Variants in FBXL17 observed in about 807,000 individuals in gnomAD.
FBXL17 encodes the protein F-box/LRR-repeat protein 17.
Under a neutral mutation model 66.2 loss-of-function variants are expected in FBXL17, and 22 were observed. That is an observed-to-expected ratio of 0.33 (90% confidence interval 0.24 to 0.47). FBXL17 has a LOEUF of 0.47. FBXL17 is among the 20% of genes least tolerant of loss of function. FBXL17 has a pLI of 1.00. For synonymous variants in FBXL17, 474 were observed against 400.5 expected (o/e 1.18, Z -2.19); for missense variants, 878 against 948.2 (o/e 0.93, Z 0.97).
intron 7 of FBXL17, among the ~76,000 whole-genome samples, chr5:108,019,726 C>A (rs767052348): frequency 2.6e-5 from 4 of 151,796 alleles, no homozygotes; most frequent in Non-Finnish European, 5.9e-5. Flanking sequence ...AGGGTCTAGA[C>A]AATGCAAGAC....
At chr5:108,120,999 G>A (rs937999500) in intron 6 of FBXL17, among the ~76,000 whole-genome samples, 6 of 152,084 alleles carry the variant, frequency 3.9e-5, no homozygotes, top group African/African-American at 1.4e-4. Flanking sequence ...GTCCTTCACC[G>A]TTAAATAATT....
At chr5:107,955,156 T>A (rs1050384327) in intron 7 of FBXL17, among the ~76,000 whole-genome samples, 5 of 152,068 alleles carry the variant, frequency 3.3e-5, no homozygotes, top group Non-Finnish European at 5.9e-5. Context: ...CTTGATTTTT[T>A]AAAAAATTAC....
chr5:108,257,886 C>T (rs1390111015), intron 4 of FBXL17, among the ~76,000 whole-genome samples: 1 of 152,084 alleles, frequency 6.6e-6, no homozygotes. Context: ...GTTGTGTATG[C>T]TTTGTTAAAG....
chr5:108,307,754 TTAC>T (rs1434270644), intron 4 of FBXL17, among the ~76,000 whole-genome samples: 2 of 152,094 alleles, frequency 1.3e-5, no homozygotes, highest in South Asian at 4.1e-4. Context: ...GTACAACAAA[TTAC>T]CCTTCATCTT....
At chr5:108,152,127 C>G (rs1450586452) in intron 6 of FBXL17, among the ~76,000 whole-genome samples, 1 of 152,162 alleles carries the variant, frequency 6.6e-6, no homozygotes, top group South Asian at 2.1e-4. Context: ...TCCATGCACT[C>G]TCTCAAAAGA....
intron 4 of FBXL17, among the ~76,000 whole-genome samples, chr5:108,227,038 C>T (rs1407800127): frequency 1.3e-5 from 2 of 152,158 alleles, no homozygotes; most frequent in Admixed American, 1.3e-4. Context: ...CAATTCCTTA[C>T]AACAATCTCT....
At chr5:108,043,499 GA>G (rs1278973728) in intron 6 of FBXL17, among the ~76,000 whole-genome samples, 1 of 151,966 alleles carries the variant, frequency 6.6e-6, no homozygotes, top group Non-Finnish European at 1.5e-5. Flanking sequence ...TTTCTTCATT[GA>G]ATTGCATTTG....
intron 6 of FBXL17, among the ~76,000 whole-genome samples, chr5:108,039,317 T>C (rs1030336450): frequency 2.6e-5 from 4 of 152,094 alleles, no homozygotes; most frequent in Admixed American, 2.0e-4. Context: ...ATAAAGACTA[T>C]GTGATATAAC....
intron 7 of FBXL17, among the ~76,000 whole-genome samples, chr5:107,910,249 G>A (rs1580704558): frequency 6.6e-6 from 1 of 152,088 alleles, no homozygotes; most frequent in Admixed American, 6.6e-5. Context: ...TGAAAACTAA[G>A]TATGACGCAA....
At chr5:107,983,604 A>G (rs1172221094) in intron 7 of FBXL17, among the ~76,000 whole-genome samples, 1 of 151,740 alleles carries the variant, frequency 6.6e-6, no homozygotes, top group Non-Finnish European at 1.5e-5. Context: ...TCCACAAAAC[A>G]GAGAGAAATT....
At chr5:108,224,825 A>G (rs576741812) in intron 4 of FBXL17, among the ~76,000 whole-genome samples, 5 of 151,970 alleles carry the variant, frequency 3.3e-5, no homozygotes, top group Admixed American at 1.3e-4. Context: ...ACGGGGTTTC[A>G]CCATGTTGGC....
chr5:108,299,340 A>G (rs1758483366), intron 4 of FBXL17: 1 of 984,916 alleles, frequency 1.0e-6, no homozygotes, highest in Non-Finnish European at 1.2e-6. Flanking sequence ...ATACCATTAA[A>G]GTATATTTTG....
rs114851238 is a variant in FBXL17, at chr5:108,047,640, C to G, written c.1746-26639G>C. Among the ~76,000 whole-genome samples the G allele has an allele frequency of 7.2e-3, 1,100 of 152,290 alleles. 8 individuals carry two copies. The highest frequency in any genetic ancestry group is 0.023 in the African/African-American group (941 of 41,558). Reference sequence around the variant, plus strand: ...AGGCTGGATAACTTGGTTGCAAGAGCTGTCCCCCATAGCTCAACACACCGG... The same window carrying G: ...AGGCTGGATAACTTGGTTGCAAGAGGTGTCCCCCATAGCTCAACACACCGG... On this transcript the variant is annotated intron_variant, in intron 6 of 8. Coordinates refer to ENST00000542267, the MANE Select transcript of FBXL17 (RefSeq NM_001163315.3).
chr5:107,890,572 G>C (rs1377738000), intron 7 of FBXL17, among the ~76,000 whole-genome samples: 1 of 151,888 alleles, frequency 6.6e-6, no homozygotes, highest in Non-Finnish European at 1.5e-5. Flanking sequence ...GCTGAGGCGG[G>C]AGGACTGCTT....
intron 7 of FBXL17, among the ~76,000 whole-genome samples, chr5:107,989,304 A>G (rs1753139670): frequency 6.6e-6 from 1 of 151,906 alleles, no homozygotes; most frequent in South Asian, 2.1e-4. Context: ...CCCCCTTCCC[A>G]GTCTCTGGTG....
At chr5:108,226,495 T>C (rs1196439723) in intron 4 of FBXL17, among the ~76,000 whole-genome samples, 1 of 152,214 alleles carries the variant, frequency 6.6e-6, no homozygotes, top group Non-Finnish European at 1.5e-5. Flanking sequence ...TCTTAAGAAG[T>C]CTTTTTTTAA....
intron 1 of FBXL17, among the ~76,000 whole-genome samples, chr5:108,371,230 AC>A (rs1749019229): frequency 1.3e-5 from 2 of 152,146 alleles, no homozygotes; most frequent in African/African-American, 4.8e-5. Context: ...CCAAAAGTAA[AC>A]CCACCATTCT....
At chr5:108,005,009 G>T (rs959794021) in intron 7 of FBXL17, among the ~76,000 whole-genome samples, 3 of 151,912 alleles carry the variant, frequency 2.0e-5, no homozygotes, top group Non-Finnish European at 4.4e-5. Flanking sequence ...AACACTCTAC[G>T]CTGGTTAGGG....
At chr5:108,205,939 T>G (rs576261835) in intron 5 of FBXL17, among the ~76,000 whole-genome samples, 1 of 152,096 alleles carries the variant, frequency 6.6e-6, no homozygotes, top group African/African-American at 2.4e-5. Context: ...ACTATATAAA[T>G]GATGCTGTGT....
Sources: gnomAD v4.1 joint callset for allele counts (sites outside exome capture counted in the v4.1 genomes callset) on GRCh38, gnomAD v4.1.1 for gene constraint, MANE v1.5 for transcripts, NCBI Gene and HGNC (gene_info 2026-07-23, HGNC 2026-07-21) for gene names.